Variants in COL12A1 observed in about 807,000 individuals in gnomAD.
COL12A1 encodes the protein collagen type XII alpha 1 chain, also known as collagen alpha-1(XII) chain.
In COL12A1, 114 loss-of-function variants were observed where a neutral mutation model predicts 349.7. That is an observed-to-expected ratio of 0.33 (90% confidence interval 0.28 to 0.38). COL12A1 has a LOEUF of 0.38. Among genes scored for constraint, COL12A1 ranks in the 10% least tolerant of loss-of-function variants. The pLI is 1.00. For missense variants in COL12A1, 3,284 were observed against 3,756.9 expected (o/e 0.87, Z 3.29); for synonymous variants, 1,369 against 1,329.0 (o/e 1.03, Z -0.66).
In COL12A1 at chr6:75,141,264, A is replaced by G. The variant is rs184524374; in HGVS notation, c.4957+768T>C. The stretch of plus-strand genomic sequence containing the variant: ...GCACTGGATTAAGTTATTATGTGCC[A>G]GGCACTGGAGACACAAAGTTGAGCA... On this transcript the variant is annotated intron_variant, in intron 27 of 65. Coordinates refer to ENST00000322507, the MANE Select transcript of COL12A1 (RefSeq NM_004370.6). Among the ~76,000 whole-genome samples the G allele has an allele frequency of 3.0e-3, 455 of 152,326 alleles. 3 individuals are homozygous for G. The highest frequency in any genetic ancestry group is 5.0e-3 in the Non-Finnish European group (340 of 68,024).
At chr6:75,201,246 T>C (rs1770511751) in intron 2 of COL12A1, among the ~76,000 whole-genome samples, 1 of 152,188 alleles carries the variant, frequency 6.6e-6, no homozygotes, top group African/African-American at 2.4e-5. Context: ...GTTCCTCAAA[T>C]AAAATTCCTT....
rs1479091060 is a variant in COL12A1 at position 75,110,576 on chromosome 6, TC to T, written c.7951-1410del. Among the ~76,000 whole-genome samples the T allele has an allele frequency of 3.9e-5, 6 of 152,056 alleles. No individual in the cohort carries two copies. The East Asian group carries it at 1.2e-3, about 29-fold the overall frequency. Reference sequence around the variant, plus strand: ...AATAGGGACCCTCTTGTCACTCATCTCCCTTCCCAGACTCTGCCATTCTAGT... The same window carrying T: ...AATAGGGACCCTCTTGTCACTCATCTCCTTCCCAGACTCTGCCATTCTAGT... On this transcript the variant is annotated intron_variant, in intron 51 of 65. Transcript: ENST00000322507.
chr6:75,194,142 G>C (rs979740113), intron 3 of COL12A1, among the ~76,000 whole-genome samples: 2 of 152,122 alleles, frequency 1.3e-5, no homozygotes, highest in African/African-American at 4.8e-5. Flanking sequence ...AGATCCTTAA[G>C]GAATCGCCAC....
chr6:75,188,686 C>T lies in COL12A1; in HGVS notation c.824-151G>A. 6 of 850,264 alleles carry T rather than the reference C, an allele frequency of 7.1e-6. No individual in the cohort carries two copies. The South Asian group carries it at 9.7e-5, about 14-fold the overall frequency. The allele number at this position is 850,264 out of a possible 1,614,324, so 52.7% of individuals were successfully genotyped here. A position where few individuals can be genotyped will look rare whatever the true frequency, so the allele number is the denominator to read the frequency against. On this transcript the variant is annotated intron_variant, in intron 7 of 65. Coordinates refer to ENST00000322507, the MANE Select transcript of COL12A1 (RefSeq NM_004370.6). ...GAATTGCTTTGTTTCATAACAGTTG[C>T]ACATGCAACTGTGCAGATGACAAAA... is the stretch of plus-strand genomic sequence containing the variant.
At chr6:75,137,352 T>C (rs1162061531) in intron 31 of COL12A1, 85 bp downstream of exon 31, 9 of 1,231,252 alleles carry the variant, frequency 7.3e-6, no homozygotes, top group African/African-American at 3.1e-5. Flanking sequence ...AAAGTAAGTA[T>C]GACTAACTAA....
intron 30 of COL12A1, 146 bp from the exon 31 acceptor site, chr6:75,137,725 C>T (rs1038700120): frequency 1.2e-6 from 1 of 856,040 alleles, no homozygotes; most frequent in Admixed American, 2.9e-5. Context: ...GTTATTGATT[C>T]TTAAATGACT....
chr6:75,165,358 T>C (rs1367098378), intron 14 of COL12A1, 149 bp downstream of exon 14: 2 of 1,104,806 alleles, frequency 1.8e-6, no homozygotes, highest in Non-Finnish European at 2.6e-6. Context: ...ACTCTGAATT[T>C]AAGCCAAATT....
At chr6:75,142,240 T>C in intron 26 of COL12A1, 79 bp from the exon 27 acceptor site, 2 of 1,515,276 alleles carry the variant, frequency 1.3e-6, no homozygotes, top group Non-Finnish European at 1.8e-6. Context: ...ACTGTACCTG[T>C]CAGCGTAAGA....
chr6:75,137,967 G>A (rs1410417258), intron 30 of COL12A1, among the ~76,000 whole-genome samples: 2 of 151,996 alleles, frequency 1.3e-5, no homozygotes, highest in Non-Finnish European at 2.9e-5. Flanking sequence ...GAGAGAGACC[G>A]AGAAAGGGGC....
chr6:75,116,317 A>C (rs972116783), intron 47 of COL12A1, among the ~76,000 whole-genome samples: 1 of 152,144 alleles, frequency 6.6e-6, no homozygotes, highest in Non-Finnish European at 1.5e-5. Context: ...AAAATAATAA[A>C]AAAGAATTAC....
intron 25 of COL12A1, among the ~76,000 whole-genome samples, chr6:75,144,882 A>G (rs1398027917): frequency 6.6e-6 from 1 of 152,260 alleles, no homozygotes; most frequent in African/African-American, 2.4e-5. Flanking sequence ...GAGTTTCTAC[A>G]TCAACAAGAA....
chr6:75,123,164 A>G (rs965324403), intron 43 of COL12A1, among the ~76,000 whole-genome samples, 166 bp downstream of exon 43: 9 of 152,350 alleles, frequency 5.9e-5, no homozygotes, highest in South Asian at 4.1e-4. Flanking sequence ...CCAGAGATGG[A>G]GAGAAACAAA....
chr6:75,152,194 C>T lies in COL12A1; in HGVS notation c.3772G>A (p.Asp1258Asn). The change falls in exon 19 of 66, where the codon GAC becomes AAC. Residue 1258 changes from aspartate to asparagine, a missense_variant. Coordinates refer to ENST00000322507, the MANE Select transcript of COL12A1 (RefSeq NM_004370.6). ...RTEWQLNAHR[D>N]KKSLLQAVAN... The stretch of plus-strand genomic sequence containing the variant: ...ACAGCTTGCAACAAGCTCTTCTTGT[C>T]TCTGTGTGCATTTAACTGCCACTCT... 1.2e-6 allele frequency: 2 copies of T among 1,613,818 alleles called. No homozygotes were observed. Among genetic ancestry groups the T allele is most frequent in the Non-Finnish European group, 1.7e-6 (2 of 1,179,826 alleles).
In COL12A1 at chr6:75,128,279, G is replaced by A; in HGVS notation, c.6340+17C>T. ...AATTTCAAAGCAAAAATAAAAGGGG[G>A]AGTACAAAACACTTACCAGTTCTTC... On this transcript the variant is annotated intron_variant, in intron 38 of 65. Coordinates refer to ENST00000322507, the MANE Select transcript of COL12A1 (RefSeq NM_004370.6). 4.5e-6 allele frequency: 7 copies of A among 1,559,968 alleles called. No homozygotes were observed. Among genetic ancestry groups the A allele is most frequent in the South Asian group, 1.3e-5 (1 of 79,694 alleles).
intron 65 of COL12A1, among the ~76,000 whole-genome samples, chr6:75,087,017 A>G (rs796877163): frequency 6.6e-6 from 1 of 152,078 alleles, no homozygotes. Flanking sequence ...CATCCCACAA[A>G]ATCAAGTATA....
At position 75,174,914 on chromosome 6, in the gene COL12A1, A is replaced by G. The variant is rs548666695; in HGVS notation, c.2710+124T>C. 3 of 1,104,708 alleles carry G rather than the reference A, an allele frequency of 2.7e-6. No homozygotes were observed. In the Admixed American group the frequency reaches 7.6e-5, roughly 28 times the overall value. 68.4% of individuals were successfully genotyped at this position (1,104,708 alleles called of 1,614,324 possible). A position where few individuals can be genotyped will look rare whatever the true frequency, so the allele number is the denominator to read the frequency against. ...GCTTTATGGTTATTTGTTTTTCAATATGGATTCTTTTTAAGAGAAAGGATT... is the reference window on the plus strand; with the variant it reads ...GCTTTATGGTTATTTGTTTTTCAATGTGGATTCTTTTTAAGAGAAAGGATT... On this transcript the variant is annotated intron_variant, in intron 13 of 65. Transcript: ENST00000322507.
At chr6:75,135,686 C>T (rs1766572543) in intron 31 of COL12A1, among the ~76,000 whole-genome samples, 1 of 152,182 alleles carries the variant, frequency 6.6e-6, no homozygotes, top group East Asian at 1.9e-4. Flanking sequence ...CAACTTAGCA[C>T]TCATCCACTC....
Position 75,086,488 on chromosome 6 carries a change from C to T in COL12A1, c.*59G>A. Reference sequence around the variant, plus strand: ...CTAATAAGCACGTGCGCAAACATCTCAGAAACAGGATTTTCATGTATTCAA... The same window carrying T: ...CTAATAAGCACGTGCGCAAACATCTTAGAAACAGGATTTTCATGTATTCAA... On this transcript the variant is annotated 3_prime_UTR_variant, in exon 66 of 66. Coordinates refer to ENST00000322507, the MANE Select transcript of COL12A1 (RefSeq NM_004370.6). 6.5e-7 allele frequency: 1 copy of T among 1,538,050 alleles called. No homozygotes were observed. Among genetic ancestry groups the T allele is most frequent in the Non-Finnish European group, 8.9e-7 (1 of 1,125,704 alleles).
At chr6:75,112,276 C>T (rs573447748) in intron 51 of COL12A1, among the ~76,000 whole-genome samples, 2 of 151,884 alleles carry the variant, frequency 1.3e-5, no homozygotes, top group African/African-American at 4.8e-5. Flanking sequence ...AGGCTTAATA[C>T]CTGGGTGACA....
Sources: gnomAD v4.1 joint callset for allele counts (sites outside exome capture counted in the v4.1 genomes callset) on GRCh38, gnomAD v4.1.1 for gene constraint, MANE v1.5 for transcripts, NCBI Gene and HGNC (gene_info 2026-07-23, HGNC 2026-07-21) for gene names.